The following LMTK3 variants were observed in gnomAD, a reference collection of about 807,000 sequenced individuals.
The protein encoded by LMTK3 is serine/threonine-protein kinase LMTK3.
A neutral mutation model predicts 116.7 loss-of-function variants in LMTK3; 27 were observed. The observed-to-expected ratio is 0.23, with a 90% CI of 0.17 to 0.32. The LOEUF is 0.32. LMTK3 is among the 10% of genes least tolerant of loss of function. The pLI, the probability that LMTK3 is intolerant of heterozygous loss-of-function variation, is 1.00. For synonymous variants in LMTK3, 965 were observed against 971.0 expected (o/e 0.99, Z 0.11); for missense variants, 1,764 against 2,068.5 (o/e 0.85, Z 2.86).
At chr19:48,487,324 G>A (rs905733237) in intron 14 of LMTK3, among the ~76,000 whole-genome samples, 8 of 152,040 alleles carry the variant, frequency 5.3e-5, no homozygotes, top group Admixed American at 1.3e-4. Flanking sequence ...TGAGCCACGC[G>A]CCCAGCCCAC....
upstream of LMTK3, chr19:48,513,588 G>A (rs865967397): frequency 8.2e-5 from 18 of 220,500 alleles, no homozygotes; most frequent in Non-Finnish European, 2.8e-5. The surrounding 1 kb of genome is among the most constrained non-coding windows in gnomAD (Gnocchi z 5.6). Context: ...CCTCTCCATC[G>A]TCCGTGAGCA....
chr19:48,494,728 G>A lies in LMTK3; in HGVS notation c.3677-619C>T, dbSNP rs1972295895. Among the ~76,000 whole-genome samples the A allele has an allele frequency of 6.6e-6, 1 of 152,190 alleles. No homozygotes were observed. On this transcript the variant is annotated intron_variant, in intron 11 of 14. Coordinates refer to ENST00000600059, the MANE Select transcript of LMTK3 (RefSeq NM_001388485.1). This position sits in a 1 kb window ranked among gnomAD's most constrained non-coding sequence, Gnocchi z 4.0. ...AGTGAACTGCCCTTTCTGAGCTGAT[G>A]GCAGGGGCAAGAGGAGGGTGGAGGT...
At chr19:48,490,846 G>A (rs1251088527) in intron 14 of LMTK3, among the ~76,000 whole-genome samples, 1 of 152,176 alleles carries the variant, frequency 6.6e-6, no homozygotes, top group African/African-American at 2.4e-5. Flanking sequence ...AAGAGTCGGG[G>A]GTGGGGGTAA....
Position 48,502,998 on chromosome 19 carries a change from T to G in LMTK3, c.558-2A>C, listed in dbSNP as rs781014626. ...AGGACATTGGGGTGCTGCAGGCTCC[T>G]GTGGAGTGAGGAGGTGGCTGAGTTG... On this transcript the variant is annotated splice_acceptor_variant, in intron 5 of 14. Coordinates refer to ENST00000600059, the MANE Select transcript of LMTK3 (RefSeq NM_001388485.1). LOFTEE classifies it high-confidence loss of function. 1 of 1,607,246 alleles carries G rather than the reference T, an allele frequency of 6.2e-7. No individual in the cohort carries two copies.
At chr19:48,513,119 A>C, upstream of LMTK3, 1 of 1,587,220 alleles carries the variant, frequency 6.3e-7, no homozygotes. This position sits in a 1 kb window ranked among gnomAD's most constrained non-coding sequence, Gnocchi z 5.6. Flanking sequence ...GCGCACAGAC[A>C]CACGGGTCGC....
chr19:48,485,887 A>G (rs1342762756), intron 14 of LMTK3, 98 bp from the exon 15 acceptor site: 10 of 1,238,362 alleles, frequency 8.1e-6, no homozygotes, highest in Non-Finnish European at 1.1e-5. Context: ...CTCACCCACC[A>G]TGGCCCAAAA....
chr19:48,498,467 C>A lies in LMTK3; in HGVS notation c.2602G>T (p.Glu868Ter). Residue 868 changes from glutamate to a stop codon, truncating the protein, a stop_gained, in exon 11 of 15, where the codon GAG (glutamate) becomes TAG (stop). Coordinates refer to ENST00000600059, the MANE Select transcript of LMTK3 (RefSeq NM_001388485.1). LOFTEE classifies it high-confidence loss of function. ...STEQLLMSLR[E>*]DVTRNLLGEK... ...CCCAGGAGGTTCCTTGTCACATCCT[C>A]CCGCAGGGACATCAGCAGCTGTTCC... is the stretch of plus-strand genomic sequence containing the variant. The A allele has an allele frequency of 6.2e-7, 1 of 1,602,058 alleles. No individual in the cohort carries two copies. The highest frequency in any genetic ancestry group is 2.3e-5 in the East Asian group (1 of 44,314).
chr19:48,500,960 C>T lies in LMTK3; in HGVS notation c.1151+36G>A, dbSNP rs373431216. 2.7e-6 allele frequency: 4 copies of T among 1,468,824 alleles called. No homozygotes were observed. In the Admixed American group the frequency reaches 8.1e-5, roughly 30 times the overall value. 91.0% of individuals were successfully genotyped at this position (1,468,824 alleles called of 1,614,324 possible). A position where few individuals can be genotyped will look rare whatever the true frequency, so the allele number is the denominator to read the frequency against. ...TGCTGGGACCATCCTGGGTGGGGTG[C>T]GGCAGGCCAGGAGCCCCGGGTGGGC... On this transcript the variant is annotated intron_variant, in intron 10 of 14. Transcript: ENST00000600059. This position sits in a 1 kb window ranked among gnomAD's most constrained non-coding sequence, Gnocchi z 4.0.
Position 48,498,216 on chromosome 19 carries a change from G to A in LMTK3, c.2853C>T (p.Ser951=). 1 of 1,613,186 alleles carries A rather than the reference G, an allele frequency of 6.2e-7. No homozygotes were observed. Among genetic ancestry groups the A allele is most frequent in the Non-Finnish European group, 8.5e-7 (1 of 1,179,636 alleles). The change falls in exon 11 of 15, where the codon TCC becomes TCT. Residue 951 remains serine, a synonymous_variant. Coordinates refer to ENST00000600059, the MANE Select transcript of LMTK3 (RefSeq NM_001388485.1). ...CCAGCACTTTCTCTTCTCTCTCGGG[G>A]GACCCCAGGGCCCCATTCTCCGCCG... ...EKAAENGALG[S]PEREEKVLEN... is the part of the protein sequence containing the mutation.
chr19:48,492,988 T>G (rs1972252121), intron 12 of LMTK3, among the ~76,000 whole-genome samples: 1 of 149,144 alleles, frequency 6.7e-6, no homozygotes, highest in African/African-American at 2.5e-5. Flanking sequence ...TCCCGCCCCA[T>G]TTCCCTGACC....
Position 48,511,705 on chromosome 19 carries a change from C to G in LMTK3, c.-129G>C. 6.5e-6 allele frequency: 3 copies of G among 463,554 alleles called. No individual in the cohort carries two copies. The highest frequency in any genetic ancestry group is 1.2e-5 in the Non-Finnish European group (3 of 259,762). 28.7% of individuals were successfully genotyped at this position (463,554 alleles called of 1,614,324 possible). A position where few individuals can be genotyped will look rare whatever the true frequency, so the allele number is the denominator to read the frequency against. ...CCCGGCCCAGGAGAGGGGCAGGAGACGCAGGACAGGGGGAGGGAGGGGCTG... is the reference window on the plus strand; with the variant it reads ...CCCGGCCCAGGAGAGGGGCAGGAGAGGCAGGACAGGGGGAGGGAGGGGCTG... On this transcript the variant is annotated 5_prime_UTR_variant, in exon 1 of 15. Transcript: ENST00000600059.
Position 48,493,932 on chromosome 19 carries a change from T to G in LMTK3, c.3854A>C (p.Glu1285Ala), listed in dbSNP as rs763628512. 2.8e-4 allele frequency: 290 copies of G among 1,030,304 alleles called. 2 individuals carry two copies. Among genetic ancestry groups the G allele is most frequent in the Non-Finnish European group, 2.3e-4 (196 of 862,876 alleles). 63.8% of individuals were successfully genotyped at this position (1,030,304 alleles called of 1,614,324 possible). The change falls in exon 12 of 15, where the codon GAG becomes GCG. Residue 1285 changes from glutamate to alanine, a missense_variant. By Grantham distance (107) the Glu-to-Ala change is moderately radical. Around this residue, in one of 7 missense-constraint regions of LMTK3, gnomAD observed 281 missense variants for 301.4 expected, o/e 0.93. Coordinates refer to ENST00000600059, the MANE Select transcript of LMTK3 (RefSeq NM_001388485.1). Reference sequence around the variant, plus strand: ...CGCCGCCGCCTCCTCGTCCTCCTCCTCGTCCTCGTCCTCGTCCTCCCCGTC... The same window carrying G: ...CGCCGCCGCCTCCTCGTCCTCCTCCGCGTCCTCGTCCTCGTCCTCCCCGTC... ...EEDGEDEDED[E>A]EEDEEAAAPG...
intron 14 of LMTK3, among the ~76,000 whole-genome samples, chr19:48,490,190 C>T (rs1972198151): frequency 1.3e-5 from 2 of 152,146 alleles, no homozygotes; most frequent in African/African-American, 4.8e-5. Flanking sequence ...ATCCCAGCTC[C>T]TCACTTCTCT....
At chr19:48,489,914 TG>T (rs913214569) in intron 14 of LMTK3, among the ~76,000 whole-genome samples, 1 of 152,178 alleles carries the variant, frequency 6.6e-6, no homozygotes, top group Non-Finnish European at 1.5e-5. Context: ...CCCTGGGTCC[TG>T]GGGGTGTTCC....
At position 48,501,013 on chromosome 19, in the gene LMTK3, C is replaced by G. The variant is rs754882064; in HGVS notation, c.1134G>C (p.Leu378=). 59 of 1,525,938 alleles carry G rather than the reference C, an allele frequency of 3.9e-5. No homozygotes were observed. The highest frequency in any genetic ancestry group is 4.8e-5 in the Non-Finnish European group (55 of 1,139,342). The allele number at this position is 1,525,938 out of a possible 1,614,324, so 94.5% of individuals were successfully genotyped here. ...HVKLARPRLK[L]PYADYWYDIL... ...GCCCTCACCAGTAGTCCGCGTAAGG[C>G]AGCTTGAGCCTCGGCCGGGCCAGCT... The change falls in exon 10 of 15, where the codon CTG becomes CTC. Residue 378 remains leucine (L), a synonymous_variant. Transcript: ENST00000600059.
At position 48,499,510 on chromosome 19, in the gene LMTK3, G is replaced by A; in HGVS notation, c.1559C>T (p.Thr520Met). 1.3e-6 allele frequency: 2 copies of A among 1,481,542 alleles called. No individual in the cohort carries two copies. Among genetic ancestry groups the A allele is most frequent in the Non-Finnish European group, 9.0e-7 (1 of 1,116,722 alleles). 91.8% of individuals were successfully genotyped at this position (1,481,542 alleles called of 1,614,324 possible). A position where few individuals can be genotyped will look rare whatever the true frequency, so the allele number is the denominator to read the frequency against. ...GCTGATGACAGGCAGCACGCTGGGC[G>A]TGGACAGCGCCTCGTAGAAAGGGTT... ...PSNPFYEALS[T>M]PSVLPVISAR... The change falls in exon 11 of 15, where the codon ACG (threonine) becomes ATG (methionine). Residue 520 changes from threonine to methionine, a missense_variant. Transcript: ENST00000600059.
Position 48,498,521 on chromosome 19 carries a change from TCTCC to T in LMTK3, c.2544_2547del (p.Glu849SerfsTer8), listed in dbSNP as rs1972381391. ...CTCACTTGAACCACGAAGGTCGGCT[TCTCC>T]CGGGGCCCCGGGAGTGGGAGCGGAC... On this transcript the variant is annotated frameshift_variant, in exon 11 of 15. Transcript: ENST00000600059. LOFTEE classifies it high-confidence loss of function. 86 of 1,578,490 alleles carry T rather than the reference TCTCC, an allele frequency of 5.4e-5. No homozygotes were observed. In the Middle Eastern group the frequency reaches 1.7e-3, roughly 30 times the overall value.
In LMTK3 at chr19:48,510,119, C is replaced by T; in HGVS notation, c.265G>A (p.Glu89Lys). The change falls in exon 3 of 15, where the codon GAG becomes AAG. Residue 89 changes from glutamate to lysine, a missense_variant. Around this residue, in one of 7 missense-constraint regions of LMTK3, gnomAD observed 271 missense variants for 478.2 expected, o/e 0.57. Coordinates refer to ENST00000600059, the MANE Select transcript of LMTK3 (RefSeq NM_001388485.1). ...AGCGACTGTGAGGAGGAGGTCTCCT[C>T]CGCAGGGGGAGTGTACTCCCCGGAG... ...DCSGEYTPPA[E>K]ETSSSQSLPD... 1 of 1,613,896 alleles carries T rather than the reference C, an allele frequency of 6.2e-7. No individual in the cohort carries two copies. The highest frequency in any genetic ancestry group is 1.1e-5 in the South Asian group (1 of 91,068).
At chr19:48,503,672 C>T (rs1296343186) in intron 5 of LMTK3, among the ~76,000 whole-genome samples, 5 of 152,142 alleles carry the variant, frequency 3.3e-5, no homozygotes, top group African/African-American at 7.2e-5. Context: ...CAGGATAGAG[C>T]GCCGGCTCTT....
Sources: gnomAD v4.1 joint callset for allele counts (sites outside exome capture counted in the v4.1 genomes callset) on GRCh38, gnomAD v4.1.1 for gene constraint, gnomAD v4.1.1 regional missense constraint, Gnocchi (gnomAD v3.1) non-coding constraint, MANE v1.5 for transcripts, NCBI Gene and HGNC (gene_info 2026-07-23, HGNC 2026-07-21) for gene names.